Variants in DDX31 observed in about 807,000 individuals in gnomAD.
DDX31 encodes the protein ATP-dependent DNA helicase DDX31.
DDX31 carries 70 observed loss-of-function variants against 91.3 expected under a neutral mutation model. That is an observed-to-expected ratio of 0.77 (90% confidence interval 0.63 to 0.94). The LOEUF (loss-of-function observed/expected upper bound fraction) is 0.94, where lower values mean the gene tolerates loss of function less well. DDX31 is among the 40% of genes least tolerant of loss of function. The pLI, the probability that DDX31 is intolerant of heterozygous loss-of-function variation, is 0.00. For synonymous variants in DDX31, 362 were observed against 350.6 expected, an observed-to-expected ratio of 1.03 and a Z score of -0.36; for missense variants, 902 against 925.0, an observed-to-expected ratio of 0.98 and a Z score of 0.32.
At position 132,597,316 on chromosome 9, in the gene DDX31, C is replaced by T. The variant is rs115022388; in HGVS notation, c.1995-2204G>A. Among the ~76,000 whole-genome samples, 876 of 152,258 alleles carry T rather than the reference C, an allele frequency of 5.8e-3. 10 individuals are homozygous for T. Among genetic ancestry groups the T allele is most frequent in the African/African-American group, 0.02 (826 of 41,546 alleles). ...GGGAAGTGGCGGGAGACAGGGCCTG[C>T]GGTTGGGCGCACTCAACTTGTTCCA... On this transcript the variant is annotated intron_variant, in intron 19 of 19. Coordinates refer to ENST00000372159, the MANE Select transcript of DDX31 (RefSeq NM_022779.9).
chr9:132,663,489 T>C (rs1193874595), intron 1 of DDX31: 1 of 985,322 alleles, frequency 1.0e-6, no homozygotes, highest in Admixed American at 6.1e-5. Context: ...GGAATGTGCT[T>C]AAATGCATGA....
chr9:132,624,334 C>G (rs182067815), intron 17 of DDX31, among the ~76,000 whole-genome samples: 3 of 152,216 alleles, frequency 2.0e-5, no homozygotes, highest in Non-Finnish European at 4.4e-5. Flanking sequence ...CAGAGGCTTA[C>G]GAGTCTTATA....
intron 7 of DDX31, among the ~76,000 whole-genome samples, chr9:132,651,377 A>G (rs926889689): frequency 6.6e-6 from 1 of 152,206 alleles, no homozygotes; most frequent in African/African-American, 2.4e-5. Context: ...TGCTGGCTCA[A>G]ATTCCCAGAG....
intron 1 of DDX31, among the ~76,000 whole-genome samples, chr9:132,667,620 CA>C (rs1835402718): frequency 6.6e-6 from 1 of 151,806 alleles, no homozygotes; most frequent in Non-Finnish European, 1.5e-5. Flanking sequence ...CAAAACAAAA[CA>C]AAACAAAAAA....
intron 17 of DDX31, among the ~76,000 whole-genome samples, chr9:132,621,469 T>C (rs867180547): frequency 1.3e-5 from 2 of 152,218 alleles, no homozygotes; most frequent in South Asian, 2.1e-4. Flanking sequence ...ATATGAAATA[T>C]ACATTTTACA....
rs766609776 is a variant in DDX31, at chr9:132,659,718, G to A, written c.515C>T (p.Thr172Met). The change falls in exon 5 of 20, where the codon ACG becomes ATG. Residue 172 changes from threonine (T) to methionine (M), a missense_variant. Transcript: ENST00000372159. ...GATGAAATGAGACTAACCTGAGCCC[G>A]TCTGGGATCTCACGAGAGCATCTCT... ...EGRDALVRSQ[T>M]GSGKTLAYCI... 1.7e-5 allele frequency: 27 copies of A among 1,610,584 alleles called. No homozygotes were observed. The highest frequency in any genetic ancestry group is 3.3e-5 in the South Asian group (3 of 90,398).
At chr9:132,628,558 T>C (rs184253735) in intron 16 of DDX31, among the ~76,000 whole-genome samples, 13 of 152,344 alleles carry the variant, frequency 8.5e-5, no homozygotes, top group African/African-American at 2.9e-4. Flanking sequence ...GAGCCCTTCA[T>C]AGCAATCTAC....
At position 132,646,987 on chromosome 9, in the gene DDX31, G is replaced by C. The variant is rs765352713; in HGVS notation, c.1039C>G (p.Gln347Glu). 24 of 1,614,116 alleles carry C rather than the reference G, an allele frequency of 1.5e-5. No homozygotes were observed. The highest frequency in any genetic ancestry group is 1.4e-5 in the Non-Finnish European group (17 of 1,180,050). ...SISVLDKSHD[Q>E]LNPKDKAVQE... ...ACCGCTTTGTCCTTTGGGTTCAACT[G>C]GTCATGGCTCTTGTCCAGGACAGAA... is the stretch of plus-strand genomic sequence containing the variant. Residue 347 changes from glutamine to glutamate, a missense_variant, in exon 12 of 20, where the codon CAG becomes GAG. Gln to Glu is a conservative substitution (Grantham distance 29). Transcript: ENST00000372159.
chr9:132,650,321 A>G, intron 8 of DDX31, 23 bp from the exon 9 acceptor site: 1 of 1,611,234 alleles, frequency 6.2e-7, no homozygotes, highest in Non-Finnish European at 8.5e-7. Context: ...AGCAGACCAC[A>G]GTCAGTGCAA....
chr9:132,669,840 G>A lies in DDX31; in HGVS notation c.75+20C>T, dbSNP rs746042616. The A allele has an allele frequency of 1.3e-6, 2 of 1,562,322 alleles. No individual in the cohort carries two copies. Among genetic ancestry groups the A allele is most frequent in the Non-Finnish European group, 1.7e-6 (2 of 1,156,492 alleles). The stretch of plus-strand genomic sequence containing the variant: ...CCGGGCCGCGGGTGGGGACGGAGCT[G>A]AAGCCGGGTCAGAACTCACCCGACT... On this transcript the variant is annotated intron_variant, in intron 1 of 19. Coordinates refer to ENST00000372159, the MANE Select transcript of DDX31 (RefSeq NM_022779.9).
In DDX31 at chr9:132,647,684, TA is replaced by T. The variant is rs548047300; in HGVS notation, c.967+504del. 4.7e-4 allele frequency among the ~76,000 whole-genome samples: 72 copies of T among 152,270 alleles called. 1 individual carries two copies. The highest frequency in any genetic ancestry group is 6.8e-3 in the Middle Eastern group (2 of 294). ...GTGTGGGGTGGATCTGGTAGAGTGA[TA>T]CAACTTTTCCAAGCCTTCGTGTTCC... is the stretch of plus-strand genomic sequence containing the variant. On this transcript the variant is annotated intron_variant, in intron 11 of 19. Transcript: ENST00000372159.
At chr9:132,606,195 T>C (rs539799119) in intron 19 of DDX31, among the ~76,000 whole-genome samples, 52 of 152,320 alleles carry the variant, frequency 3.4e-4, no homozygotes, top group African/African-American at 1.3e-3. Context: ...TCTGTCTTTT[T>C]ACAGAATGCT....
intron 4 of DDX31, among the ~76,000 whole-genome samples, chr9:132,660,249 C>T (rs1195630194): frequency 1.3e-5 from 2 of 151,230 alleles, no homozygotes; most frequent in African/African-American, 2.4e-5. Context: ...GCAGGAGAAT[C>T]GCTTGAACCT....
chr9:132,599,396 T>C (rs1466846447), intron 19 of DDX31, among the ~76,000 whole-genome samples: 1 of 152,218 alleles, frequency 6.6e-6, no homozygotes, highest in Non-Finnish European at 1.5e-5. Context: ...GCATAAAATG[T>C]TTTTAATATA....
rs143173042 is a variant in DDX31, at chr9:132,608,653, C to T, written c.1994+3434G>A. On this transcript the variant is annotated intron_variant, in intron 19 of 19. Coordinates refer to ENST00000372159, the MANE Select transcript of DDX31 (RefSeq NM_022779.9). ...ATATAATTATTCTAGGCAGTAAACACCGTAAAATGGAATGCAGAATAGTTT... is the reference window on the plus strand; with the variant it reads ...ATATAATTATTCTAGGCAGTAAACATCGTAAAATGGAATGCAGAATAGTTT... Among the ~76,000 whole-genome samples the T allele has an allele frequency of 1.3e-4, 20 of 152,252 alleles. No individual in the cohort carries two copies. The East Asian group carries it at 3.7e-3, about 28-fold the overall frequency.
rs559929661 is a variant in DDX31 at position 132,617,811 on chromosome 9, T to A, written c.1825+519A>T. On this transcript the variant is annotated intron_variant, in intron 18 of 19. Transcript: ENST00000372159. ...GAGCCAACTTATCCAACAAAGGGTC[T>A]GAATATTAAGTCAACACCTCTCTCT... 2.6e-5 allele frequency among the ~76,000 whole-genome samples: 4 copies of A among 152,376 alleles called. No homozygotes were observed. In the South Asian group the frequency reaches 8.3e-4, roughly 32 times the overall value.
intron 19 of DDX31, among the ~76,000 whole-genome samples, chr9:132,602,272 G>A (rs1429908906): frequency 6.6e-6 from 1 of 152,258 alleles, no homozygotes; most frequent in Non-Finnish European, 1.5e-5. Flanking sequence ...CAGCAACCAT[G>A]GGAAGTGCAG....
intron 19 of DDX31, among the ~76,000 whole-genome samples, chr9:132,599,627 G>A (rs1374223678): frequency 6.6e-6 from 1 of 152,224 alleles, no homozygotes; most frequent in East Asian, 1.9e-4. Context: ...ATAGTGAAAT[G>A]CCAGAGTATT....
At chr9:132,641,928 C>A in intron 14 of DDX31, 76 bp downstream of exon 14, 1 of 1,498,182 alleles carries the variant, frequency 6.7e-7, no homozygotes, top group South Asian at 1.1e-5. Flanking sequence ...ACAGGACAAA[C>A]TGTCAAGAGA....
Sources: gnomAD v4.1 joint callset for allele counts (sites outside exome capture counted in the v4.1 genomes callset) on GRCh38, gnomAD v4.1.1 for gene constraint, MANE v1.5 for transcripts, NCBI Gene and HGNC (gene_info 2026-07-23, HGNC 2026-07-21) for gene names.